GLB1: variants seen among roughly 807,000 people sequenced by gnomAD.
GLB1 encodes galactosidase beta 1.
Under a neutral mutation model 74.0 loss-of-function variants are expected in GLB1, and 56 were observed. The ratio of observed to expected loss-of-function variants is 0.76; its 90% CI spans 0.61 to 0.94. The LOEUF is 0.94. Ranked by LOEUF, GLB1 falls within the 40% of genes least tolerant of loss-of-function variation. The pLI is 0.00. For synonymous variants in GLB1, 323 were observed against 323.6 expected (o/e 1.00, Z 0.02); for missense variants, 787 against 845.5 (o/e 0.93, Z 0.86).
chr3:32,985,928 T>C, the GLB1 span, among the ~76,000 whole-genome samples: 1 of 152,172 alleles, frequency 6.6e-6, no homozygotes, highest in South Asian at 2.1e-4. Context: ...GCCAGGCTGG[T>C]CTTGAACTCC....
At chr3:33,003,229 T>A (rs1162175548) in intron 15 of GLB1, among the ~76,000 whole-genome samples, 2 of 152,196 alleles carry the variant, frequency 1.3e-5, no homozygotes, top group African/African-American at 4.8e-5. Flanking sequence ...TCACTTCTCA[T>A]CAAATCCCAA....
At chr3:33,015,211 T>C (rs967590849) in intron 14 of GLB1, among the ~76,000 whole-genome samples, 8 of 152,014 alleles carry the variant, frequency 5.3e-5, no homozygotes, top group Admixed American at 3.3e-4. Flanking sequence ...GGAATAGTCA[T>C]CCCACTGCGG....
chr3:33,068,180 C>A (rs372908598), intron 4 of GLB1, 50 bp downstream of exon 4: 2 of 1,613,210 alleles, frequency 1.2e-6, no homozygotes, highest in Admixed American at 3.3e-5. Context: ...AGCCACCGCA[C>A]CTAGGCTGAA....
intron 5 of GLB1, among the ~76,000 whole-genome samples, chr3:33,065,212 C>T (rs767337007): frequency 1.3e-5 from 2 of 152,132 alleles, no homozygotes; most frequent in Non-Finnish European, 2.9e-5. Flanking sequence ...AACTTCCTCA[C>T]TGAAAAAAGA....
chr3:33,076,070 G>C (rs1347716263), intron 1 of GLB1, among the ~76,000 whole-genome samples: 1 of 150,198 alleles, frequency 6.7e-6, no homozygotes, highest in African/African-American at 2.4e-5. Context: ...AAGCAAAGTT[G>C]ACCTCACCCC....
chr3:33,078,483 C>G (rs1047598330), intron 1 of GLB1, among the ~76,000 whole-genome samples: 2 of 152,178 alleles, frequency 1.3e-5, no homozygotes, highest in Admixed American at 1.3e-4. Flanking sequence ...GAAGTACAGT[C>G]TCATCTAGAA....
At chr3:32,989,753 T>G in the GLB1 span, among the ~76,000 whole-genome samples, 3 of 152,230 alleles carry the variant, frequency 2.0e-5, no homozygotes, top group African/African-American at 7.2e-5. Context: ...AAGAAGAGTG[T>G]GGGATTTGGA....
intron 10 of GLB1, among the ~76,000 whole-genome samples, chr3:33,027,249 G>A (rs534730127): frequency 6.6e-6 from 1 of 152,384 alleles, no homozygotes; most frequent in East Asian, 1.9e-4. Context: ...GCTGGCGCCT[G>A]TGCGGGCAAC....
the GLB1 span, among the ~76,000 whole-genome samples, chr3:32,969,988 T>C: frequency 6.6e-6 from 1 of 152,196 alleles, no homozygotes; most frequent in Non-Finnish European, 1.5e-5. Flanking sequence ...TCAGTACATG[T>C]TGGTGTTCAT....
Position 33,073,698 on chromosome 3 carries a change from TAAAATAAATA to T in GLB1, c.76-995_76-986del, listed in dbSNP as rs748921808. 1.3e-4 allele frequency among the ~76,000 whole-genome samples: 20 copies of T among 148,586 alleles called. 1 individual carries two copies. The South Asian group carries it at 3.2e-3, about 24-fold the overall frequency. On this transcript the variant is annotated intron_variant, in intron 1 of 15. Coordinates refer to ENST00000307363, the MANE Select transcript of GLB1 (RefSeq NM_000404.4). ...GCGAGACTCTGTCTCAAAAAAATAA[TAAAATAAATA>T]AAAATAAAAATCAAAGAATAGCAGG... is the stretch of plus-strand genomic sequence containing the variant.
intron 10 of GLB1, among the ~76,000 whole-genome samples, chr3:33,026,379 G>T (rs529028105): frequency 6.6e-6 from 1 of 152,334 alleles, no homozygotes; most frequent in East Asian, 1.9e-4. Flanking sequence ...GGGCACCGAT[G>T]AGCACAGGAG....
intron 5 of GLB1, among the ~76,000 whole-genome samples, chr3:33,062,937 A>G (rs1355082316): frequency 6.6e-6 from 1 of 152,246 alleles, no homozygotes; most frequent in Non-Finnish European, 1.5e-5. Context: ...CATGGCTACC[A>G]GGCAGAGGCG....
chr3:33,021,252 T>A, intron 12 of GLB1: 1 of 409,124 alleles, frequency 2.4e-6, no homozygotes, highest in East Asian at 5.1e-5. Context: ...GATCTTCCAC[T>A]GATGCCTAGT....
chr3:33,043,771 G>GAATGATACCTCAGAAAAATACCAAGCA (rs1698599683), intron 10 of GLB1, among the ~76,000 whole-genome samples: 1 of 82,258 alleles, frequency 1.2e-5, no homozygotes, highest in Non-Finnish European at 2.9e-5. Context: ...ACAGCATTGG[G>GAATGATACCTCAGAAAAATACCAAGCA]AAAGATACCT....
At chr3:33,062,237 G>A (rs375083109) in intron 5 of GLB1, among the ~76,000 whole-genome samples, 24 of 151,988 alleles carry the variant, frequency 1.6e-4, no homozygotes, top group East Asian at 5.8e-4. Flanking sequence ...GTGTGATCAC[G>A]GCTCACCACA....
At chr3:33,021,752 G>T in intron 11 of GLB1, 97 bp from the exon 12 acceptor site, 1 of 1,378,712 alleles carries the variant, frequency 7.3e-7, no homozygotes, top group South Asian at 1.2e-5. Context: ...CAGTGGGTTT[G>T]ACCAAACCCC....
intron 13 of GLB1, among the ~76,000 whole-genome samples, chr3:33,017,827 G>C (rs954773997): frequency 1.3e-5 from 2 of 152,212 alleles, no homozygotes; most frequent in African/African-American, 2.4e-5. Flanking sequence ...GGCAACATCA[G>C]TCACAGAAGG....
At chr3:33,068,032 C>A (rs1485612041) in intron 4 of GLB1, among the ~76,000 whole-genome samples, 198 bp downstream of exon 4, 1 of 152,024 alleles carries the variant, frequency 6.6e-6, no homozygotes, top group Non-Finnish European at 1.5e-5. Flanking sequence ...ATTACAGGCG[C>A]CCACCACCAT....
the GLB1 span, among the ~76,000 whole-genome samples, chr3:32,981,399 C>CAAAAAAAAAAAAAAAAAAA: frequency 2.2e-5 from 2 of 90,470 alleles, no homozygotes; most frequent in Non-Finnish European, 3.9e-5. Context: ...GACTCCATCT[C>CAAAAAAAAAAAAAAAAAAA]AAAAAAAAAA....
Sources: allele counts gnomAD v4.1 joint callset (sites outside exome capture counted in the v4.1 genomes callset), GRCh38; gene constraint gnomAD v4.1.1; transcripts MANE v1.5; gene names NCBI Gene and HGNC (gene_info 2026-07-23, HGNC 2026-07-21).